The following LAMA3 variants were observed in gnomAD, a reference collection of about 807,000 sequenced individuals.
LAMA3 encodes laminin subunit alpha-3.
LAMA3 carries 281 observed loss-of-function variants against 402.0 expected under a neutral mutation model. The ratio of observed to expected loss-of-function variants is 0.70; its 90% CI spans 0.63 to 0.77. The LOEUF is 0.77. Among genes scored for constraint, LAMA3 ranks in the 30% least tolerant of loss-of-function variants. The pLI, the probability that LAMA3 is intolerant of heterozygous loss-of-function variation, is 0.00. For missense variants in LAMA3, 3,840 were observed against 4,215.5 expected (o/e 0.91, Z 2.47); for synonymous variants, 1,431 against 1,558.4 (o/e 0.92, Z 1.93).
intron 32 of LAMA3, 93 bp downstream of exon 32, chr18:23,847,761 C>T (rs2144639275): frequency 7.5e-7 from 1 of 1,328,166 alleles, no homozygotes; most frequent in East Asian, 2.5e-5. Flanking sequence ...CACTTCCCAC[C>T]TGTCCAGGGG....
intron 52 of LAMA3, among the ~76,000 whole-genome samples, chr18:23,905,891 A>G (rs1410661844): frequency 6.6e-6 from 1 of 152,108 alleles, no homozygotes; most frequent in African/African-American, 2.4e-5. Flanking sequence ...CAGCCTCCCA[A>G]GTAGCTGAGA....
rs755917482 is a variant in LAMA3, at chr18:23,932,165, G to C, written c.8582G>C (p.Arg2861Pro). Residue 2861 changes from arginine to proline, a missense_variant, in exon 66 of 75, where the codon CGG (arginine) becomes CCG (proline). By Grantham distance (103) the Arg-to-Pro change is moderately radical. Transcript: ENST00000313654. ...TTGCTTTTCTTCCCTTTCAGACTAC[G>C]GCTTCTCATCGATGACCAGCTTCTG... Reference protein sequence around the residue: ...VSVISDNSGLRLLIDDQLLRN... With the variant: ...VSVISDNSGLPLLIDDQLLRN... 8 of 1,613,750 alleles carry C rather than the reference G, an allele frequency of 5.0e-6. No individual in the cohort carries two copies. The highest frequency in any genetic ancestry group is 6.8e-6 in the Non-Finnish European group (8 of 1,179,866).
intron 30 of LAMA3, among the ~76,000 whole-genome samples, chr18:23,845,992 TA>T (rs1457334752): frequency 5.3e-5 from 8 of 152,326 alleles, no homozygotes; most frequent in Admixed American, 3.9e-4. Flanking sequence ...GTAACCACTT[TA>T]TTGAGCTATA....
intron 32 of LAMA3, among the ~76,000 whole-genome samples, chr18:23,852,916 C>T (rs1435473639): frequency 6.6e-6 from 1 of 152,168 alleles, no homozygotes; most frequent in Non-Finnish European, 1.5e-5. Flanking sequence ...CCAAATTATG[C>T]CTGTCCTTCA....
chr18:23,711,343 A>T (rs1039711864), intron 1 of LAMA3, among the ~76,000 whole-genome samples: 2 of 152,154 alleles, frequency 1.3e-5, no homozygotes, highest in African/African-American at 4.8e-5. Context: ...AGTGCCTACT[A>T]ATTGTGAGAT....
chr18:23,883,054 G>A (rs1453818443), intron 40 of LAMA3, among the ~76,000 whole-genome samples: 1 of 152,200 alleles, frequency 6.6e-6, no homozygotes, highest in Non-Finnish European at 1.5e-5. Context: ...GAAACAGAAG[G>A]AAAAGGCCTG....
intron 1 of LAMA3, among the ~76,000 whole-genome samples, chr18:23,698,202 CTTTTT>C (rs755879182): frequency 9.2e-6 from 1 of 108,858 alleles, no homozygotes; most frequent in African/African-American, 3.6e-5. Context: ...TCTTCTTCTT[CTTTTT>C]TTTTTTTTTT....
At position 23,815,179 on chromosome 18, in the gene LAMA3, T is replaced by C. The variant is rs533251361; in HGVS notation, c.1889-9T>C. ...CCCTTAGTTCAAGGATGCTCTCTTA[T>C]CTCCACAGAATGCAAGTGCCATAAG... On this transcript the variant is annotated splice_polypyrimidine_tract_variant and intron_variant, in intron 15 of 74. Coordinates refer to ENST00000313654, the MANE Select transcript of LAMA3 (RefSeq NM_198129.4). 179 of 1,613,662 alleles carry C rather than the reference T, an allele frequency of 1.1e-4. No homozygotes were observed. The highest frequency in any genetic ancestry group is 1.5e-4 in the Non-Finnish European group (175 of 1,179,684).
intron 1 of LAMA3, among the ~76,000 whole-genome samples, chr18:23,693,545 AAG>A (rs1232052126): frequency 1.3e-5 from 2 of 151,876 alleles, no homozygotes; most frequent in South Asian, 2.1e-4. Context: ...AAAAAAAAAA[AAG>A]AGAAACGTAC....
chr18:23,807,030 A>G (rs2062975637), intron 12 of LAMA3, among the ~76,000 whole-genome samples: 1 of 152,224 alleles, frequency 6.6e-6, no homozygotes, highest in Non-Finnish European at 1.5e-5. Context: ...AGTATCTAAT[A>G]GTGATATTTT....
Position 23,815,505 on chromosome 18 carries a change from G to A in LAMA3, c.1979G>A (p.Gly660Asp). 6.2e-7 allele frequency: 1 copy of A among 1,614,180 alleles called. No individual in the cohort carries two copies. The highest frequency in any genetic ancestry group is 8.5e-7 in the Non-Finnish European group (1 of 1,180,004). The change falls in exon 17 of 75, where the codon GGC becomes GAC. Residue 660 changes from glycine (G) to aspartate (D), a missense_variant. Around this residue, in one of 3 missense-constraint regions of LAMA3, gnomAD observed 2,109 missense variants for 2,376.0 expected, o/e 0.89. Transcript: ENST00000313654. ...GDCHCKSHVG[G>D]DSCDTCEDGY... ...TGTCACTGCAAGTCCCATGTGGGTGGCGATTCCTGCGACACCTGTGAAGAT... is the reference window on the plus strand; with the variant it reads ...TGTCACTGCAAGTCCCATGTGGGTGACGATTCCTGCGACACCTGTGAAGAT...
chr18:23,873,053 A>G lies in LAMA3; in HGVS notation c.4998+1392A>G, dbSNP rs1487656839. 6.2e-7 allele frequency: 1 copy of G among 1,614,196 alleles called. No individual in the cohort carries two copies. The highest frequency in any genetic ancestry group is 8.5e-7 in the Non-Finnish European group (1 of 1,180,026). On this transcript the variant is annotated intron_variant, in intron 38 of 74. Transcript: ENST00000313654. ...GACGTCCAGGAACCGGGATGCCTCC[A>G]GCAGTGAGGCGGTCAGCCTGCAGCA... is the stretch of plus-strand genomic sequence containing the variant.
intron 8 of LAMA3, among the ~76,000 whole-genome samples, chr18:23,765,858 A>G (rs961103003): frequency 3.3e-5 from 5 of 151,938 alleles, no homozygotes; most frequent in Non-Finnish European, 7.3e-5. Flanking sequence ...AAAGGAGGTA[A>G]TAGAAGAAAG....
At chr18:23,818,955 T>C (rs1397295746) in intron 18 of LAMA3, among the ~76,000 whole-genome samples, 1 of 152,202 alleles carries the variant, frequency 6.6e-6, no homozygotes, top group African/African-American at 2.4e-5. Context: ...TTTGACTATC[T>C]ACAAAATCTT....
intron 9 of LAMA3, among the ~76,000 whole-genome samples, chr18:23,775,528 T>C (rs2062296778): frequency 6.7e-6 from 1 of 150,070 alleles, no homozygotes; most frequent in Non-Finnish European, 1.5e-5. Flanking sequence ...TCTGACTCAG[T>C]GAGCTGGGCA....
chr18:23,692,503 T>C (rs1248441571), intron 1 of LAMA3, among the ~76,000 whole-genome samples: 2 of 152,116 alleles, frequency 1.3e-5, no homozygotes, highest in Non-Finnish European at 2.9e-5. Context: ...AACTACTGAC[T>C]TCAGATGATC....
intron 11 of LAMA3, among the ~76,000 whole-genome samples, chr18:23,781,606 G>A (rs150951711): frequency 2.1e-3 from 320 of 152,266 alleles, no homozygotes; most frequent in Middle Eastern, 6.8e-3. Context: ...AAGAGCTTGG[G>A]CTAGTGGCAC....
chr18:23,871,813 C>T (rs1304677423), intron 38 of LAMA3, 152 bp downstream of exon 38: 2 of 683,684 alleles, frequency 2.9e-6, no homozygotes, highest in African/African-American at 3.6e-5. Flanking sequence ...TACTTAGACT[C>T]CCTTCAGGAA....
intron 60 of LAMA3, 118 bp downstream of exon 60, chr18:23,916,813 C>A (rs2081642230): frequency 2.0e-6 from 2 of 978,842 alleles, no homozygotes; most frequent in East Asian, 4.9e-5. Context: ...GTAAATGTTA[C>A]CTGCATCCTT....
Sources: allele counts gnomAD v4.1 joint callset (sites outside exome capture counted in the v4.1 genomes callset), GRCh38; gene constraint gnomAD v4.1.1; regional missense constraint gnomAD v4.1.1; transcripts MANE v1.5; gene names NCBI Gene and HGNC (gene_info 2026-07-23, HGNC 2026-07-21).